Variants in PGCKA1 observed in about 807,000 individuals in gnomAD.
PGCKA1 encodes PDCD10 and GCKIII kinases-associated protein 1.
the PGCKA1 span, among the ~76,000 whole-genome samples, chr4:37,581,950 A>C: frequency 3.3e-5 from 5 of 152,148 alleles, no homozygotes; most frequent in African/African-American, 1.2e-4. This position sits in a 1 kb window ranked among gnomAD's most constrained non-coding sequence, Gnocchi z 4.4. Context: ...CTCTGGCTAG[A>C]TCTGGTCCAA....
At chr4:37,541,311 G>A in the PGCKA1 span, among the ~76,000 whole-genome samples, 1,252 of 152,252 alleles carry the variant, frequency 8.2e-3, 19 homozygotes, top group African/African-American at 0.029. Flanking sequence ...CTTATAGAAC[G>A]ATATAAAGCA....
chr4:37,487,949 C>T, the PGCKA1 span, among the ~76,000 whole-genome samples: 1 of 152,038 alleles, frequency 6.6e-6, no homozygotes, highest in Non-Finnish European at 1.5e-5. Flanking sequence ...GTGTTTTTTA[C>T]TATTGTTGGA....
chr4:37,592,353 G>GAA, the PGCKA1 span, among the ~76,000 whole-genome samples: 558 of 108,094 alleles, frequency 5.2e-3, 8 homozygotes, highest in East Asian at 0.023. Context: ...CCATCTCTAT[G>GAA]AAAAAAAAAA....
chr4:37,517,394 G>A, the PGCKA1 span, among the ~76,000 whole-genome samples: 1 of 151,464 alleles, frequency 6.6e-6, no homozygotes, highest in African/African-American at 2.4e-5. Flanking sequence ...CTAAATGCTA[G>A]TGGTAACCAC....
the PGCKA1 span, among the ~76,000 whole-genome samples, chr4:37,554,073 T>C: frequency 1.3e-5 from 2 of 152,128 alleles, no homozygotes; most frequent in Non-Finnish European, 2.9e-5. Context: ...GGGGGTGGGT[T>C]TTTCCCGTGG....
At chr4:37,590,957 TA>T in the PGCKA1 span, 1 of 1,613,706 alleles carries the variant, frequency 6.2e-7, no homozygotes, top group East Asian at 2.2e-5. Flanking sequence ...CTTGCAGCTT[TA>T]GAAGCTGCTA....
the PGCKA1 span, among the ~76,000 whole-genome samples, chr4:37,496,099 C>CT: frequency 3.3e-5 from 5 of 152,146 alleles, no homozygotes; most frequent in Admixed American, 1.3e-4. Flanking sequence ...GTTTCTTTAG[C>CT]TGTGCAGAAG....
At chr4:37,470,528 T>C in the PGCKA1 span, among the ~76,000 whole-genome samples, 66,760 of 152,006 alleles carry the variant, frequency 0.44, 15,363 homozygotes, top group East Asian at 0.56. Flanking sequence ...AGGCATTTCA[T>C]TGGTGATGGC....
At chr4:37,575,987 C>T in the PGCKA1 span, among the ~76,000 whole-genome samples, 1 of 151,976 alleles carries the variant, frequency 6.6e-6, no homozygotes, top group Non-Finnish European at 1.5e-5. Flanking sequence ...CATGCTGTAC[C>T]GATTACTATA....
chr4:37,565,930 T>A, the PGCKA1 span, among the ~76,000 whole-genome samples: 1 of 152,096 alleles, frequency 6.6e-6, no homozygotes, highest in Non-Finnish European at 1.5e-5. Flanking sequence ...CGTCAAAAGG[T>A]GAGACTAGCC....
At chr4:37,553,711 C>T in the PGCKA1 span, among the ~76,000 whole-genome samples, 4 of 152,052 alleles carry the variant, frequency 2.6e-5, no homozygotes, top group Admixed American at 2.0e-4. Context: ...AAAATGTGAG[C>T]GTTGTTGTGT....
chr4:37,542,247 A>G, the PGCKA1 span, among the ~76,000 whole-genome samples: 4 of 152,110 alleles, frequency 2.6e-5, no homozygotes, highest in Non-Finnish European at 5.9e-5. Context: ...CACTATGCAA[A>G]AGTGTCTTCC....
the PGCKA1 span, among the ~76,000 whole-genome samples, chr4:37,546,212 A>G: frequency 6.6e-6 from 1 of 152,204 alleles, no homozygotes; most frequent in African/African-American, 2.4e-5. Context: ...AGACCCTCTC[A>G]TATTGTTTTA....
At chr4:37,469,498 G>A in the PGCKA1 span, among the ~76,000 whole-genome samples, 7 of 152,290 alleles carry the variant, frequency 4.6e-5, no homozygotes, top group South Asian at 1.5e-3. Context: ...AGGAAGGAAT[G>A]TGACTGAACC....
chr4:37,587,300 T>C, the PGCKA1 span, among the ~76,000 whole-genome samples: 1 of 152,184 alleles, frequency 6.6e-6, no homozygotes, highest in Non-Finnish European at 1.5e-5. Flanking sequence ...CATCTGCAAA[T>C]ACCTTTAATT....
chr4:37,560,821 T>A, the PGCKA1 span, among the ~76,000 whole-genome samples: 2 of 150,918 alleles, frequency 1.3e-5, no homozygotes, highest in Non-Finnish European at 3.0e-5. Context: ...TCCTAGATTT[T>A]CCCCCATTGT....
the PGCKA1 span, among the ~76,000 whole-genome samples, chr4:37,475,322 A>T: frequency 3.3e-5 from 5 of 152,100 alleles, no homozygotes; most frequent in South Asian, 1.0e-3. Flanking sequence ...CAACCCCAGC[A>T]CAAAATTAAT....
At chr4:37,454,338 T>C in the PGCKA1 span, among the ~76,000 whole-genome samples, 6 of 152,202 alleles carry the variant, frequency 3.9e-5, no homozygotes, top group Non-Finnish European at 7.3e-5. Context: ...TGGCGTTTAA[T>C]TGGTTGTGTG....
chr4:37,556,942 G>T, the PGCKA1 span, among the ~76,000 whole-genome samples: 1 of 152,300 alleles, frequency 6.6e-6, no homozygotes, highest in Admixed American at 6.5e-5. Context: ...ACAATTTAAA[G>T]AAATAACCAA....
Sources: gnomAD v4.1 joint callset for allele counts (sites outside exome capture counted in the v4.1 genomes callset) on GRCh38, gnomAD v4.1.1 for gene constraint, Gnocchi (gnomAD v3.1) non-coding constraint, MANE v1.5 for transcripts, NCBI Gene and HGNC (gene_info 2026-07-23, HGNC 2026-07-21) for gene names.